The following SSUH2 variants were observed in gnomAD, a reference collection of about 807,000 sequenced individuals.
SSUH2 encodes the protein protein SSUH2 homolog.
SSUH2 carries 47 observed loss-of-function variants against 55.3 expected under a neutral mutation model. That is an observed-to-expected ratio of 0.85 (90% CI 0.67 to 1.08). SSUH2 has a LOEUF of 1.08. Ranked by LOEUF, SSUH2 falls within the 50% of genes least tolerant of loss-of-function variation. The pLI is 0.00. For missense variants in SSUH2, 535 were observed against 490.7 expected, an observed-to-expected ratio of 1.09 and a Z score of -0.85; for synonymous variants, 212 against 191.5, an observed-to-expected ratio of 1.11 and a Z score of -0.89.
rs140210593 is a variant in SSUH2, at chr3:8,675,513, C to T, written c.-753+1693G>A. 3.9e-3 allele frequency among the ~76,000 whole-genome samples: 596 copies of T among 152,268 alleles called. 6 individuals are homozygous for T. The highest frequency in any genetic ancestry group is 0.013 in the African/African-American group (549 of 41,570). ...TGGAGGACTGTGGGTATAAGGCGTCCAAGAAGAAAGCTCAGATCTGCCGAC... is the reference window on the plus strand; with the variant it reads ...TGGAGGACTGTGGGTATAAGGCGTCTAAGAAGAAAGCTCAGATCTGCCGAC... On this transcript the variant is annotated intron_variant, in intron 3 of 18. Coordinates refer to the SSUH2 transcript ENST00000317371.
Position 8,679,273 on chromosome 3 carries a change from C to A in SSUH2, c.-901+432G>T, listed in dbSNP as rs1265731695. 1.9e-5 allele frequency among the ~76,000 whole-genome samples: 2 copies of A among 103,398 alleles called. 1 individual carries two copies. The highest frequency in any genetic ancestry group is 4.2e-5 in the Non-Finnish European group (2 of 47,932). 67.8% of individuals were successfully genotyped at this position (103,398 alleles called of 152,430 possible). ...CCAATTTTCCCCCTGGCTTTTAGGA[C>A]CCCCATCGGAGGGGGGGAGCCACCC... is the stretch of plus-strand genomic sequence containing the variant. On this transcript the variant is annotated intron_variant, in intron 2 of 18. Transcript: ENST00000317371.
chr3:8,623,313 T>C, intron 11 of SSUH2: 3 of 523,330 alleles, frequency 5.7e-6, no homozygotes, highest in Non-Finnish European at 1.0e-5. Flanking sequence ...CAATCGCTTC[T>C]GGGAATAAAA....
At chr3:8,654,778 C>T (rs1006921199) in intron 7 of SSUH2, among the ~76,000 whole-genome samples, 6 of 151,742 alleles carry the variant, frequency 4.0e-5, no homozygotes, top group Non-Finnish European at 5.9e-5. Flanking sequence ...GGTCTTCTCC[C>T]GGAGATCTCA....
intron 4 of SSUH2, among the ~76,000 whole-genome samples, chr3:8,632,941 T>G (rs1053263744): frequency 6.6e-6 from 1 of 152,184 alleles, no homozygotes; most frequent in African/African-American, 2.4e-5. Flanking sequence ...AAATCTGAGT[T>G]TGAATCTCAC....
chr3:8,653,591 G>C (rs1702648046), intron 7 of SSUH2, among the ~76,000 whole-genome samples: 1 of 152,118 alleles, frequency 6.6e-6, no homozygotes, highest in Admixed American at 6.5e-5. Flanking sequence ...TTTACATTTA[G>C]CACACAATCC....
At chr3:8,653,093 G>T (rs1702587967) in intron 7 of SSUH2, among the ~76,000 whole-genome samples, 1 of 152,152 alleles carries the variant, frequency 6.6e-6, no homozygotes, top group Non-Finnish European at 1.5e-5. Context: ...CCACAAGAAT[G>T]GACACCTTTT....
intron 3 of SSUH2, 113 bp from the exon 4 acceptor site, chr3:8,633,908 A>G (rs1456686081): frequency 1.2e-6 from 2 of 1,614,028 alleles, no homozygotes; most frequent in South Asian, 1.1e-5. Context: ...GGTAGTGGTA[A>G]AGCCCTCAGC....
intron 7 of SSUH2, among the ~76,000 whole-genome samples, chr3:8,658,608 C>A (rs1248669415): frequency 2.6e-5 from 4 of 152,244 alleles, no homozygotes; most frequent in Non-Finnish European, 5.9e-5. Context: ...GCCTGGCAAC[C>A]TGCCCACTGG....
At chr3:8,667,366 G>A (rs969644737) in intron 5 of SSUH2, among the ~76,000 whole-genome samples, 19 of 152,178 alleles carry the variant, frequency 1.2e-4, no homozygotes, top group African/African-American at 4.6e-4. Context: ...ATTATAATTA[G>A]CGTATAATGA....
Position 8,632,096 on chromosome 3 carries a change from G to T in SSUH2, c.353C>A (p.Thr118Asn). 6.2e-7 allele frequency: 1 copy of T among 1,613,834 alleles called. No individual in the cohort carries two copies. The highest frequency in any genetic ancestry group is 8.5e-7 in the Non-Finnish European group (1 of 1,179,840). Reference protein sequence around the residue: ...RQTLCRYRLETFSESRISEWT... With the variant: ...RQTLCRYRLENFSESRISEWT... ...CTCGCTTATCCTGGATTCACTAAAG[G>T]TCTCCAGACGGTACTAAAAGGAAAA... Residue 118 changes from threonine to asparagine, a missense_variant, in exon 5 of 12, where the codon ACC becomes AAC. By Grantham distance (65) the Thr-to-Asn change is moderately conservative. Coordinates refer to ENST00000544814, the MANE Select transcript of SSUH2 (RefSeq NM_001256748.3).
intron 6 of SSUH2, among the ~76,000 whole-genome samples, chr3:8,662,255 G>A (rs1310139866): frequency 6.6e-6 from 1 of 152,142 alleles, no homozygotes; most frequent in Non-Finnish European, 1.5e-5. Flanking sequence ...AATGAGAGAG[G>A]GCCATGGGGA....
chr3:8,664,203 C>G (rs1017366442), intron 5 of SSUH2, among the ~76,000 whole-genome samples: 2 of 152,202 alleles, frequency 1.3e-5, no homozygotes, highest in Non-Finnish European at 2.9e-5. Flanking sequence ...AGAAAACGAC[C>G]CTTGATAGAA....
At chr3:8,649,572 T>C (rs567259334), upstream of SSUH2, among the ~76,000 whole-genome samples, 6 of 152,204 alleles carry the variant, frequency 3.9e-5, no homozygotes, top group South Asian at 1.2e-3. Context: ...CCTCGAGCTC[T>C]CTCTGTGTGT....
intron 3 of SSUH2, among the ~76,000 whole-genome samples, chr3:8,676,343 C>T (rs1442164023): frequency 6.6e-5 from 10 of 151,942 alleles, no homozygotes; most frequent in African/African-American, 2.4e-4. Flanking sequence ...CCTCCTCTCC[C>T]ACGTTGCAAT....
At chr3:8,670,693 C>T (rs1207800329) in intron 5 of SSUH2, among the ~76,000 whole-genome samples, 1 of 151,662 alleles carries the variant, frequency 6.6e-6, no homozygotes, top group Non-Finnish European at 1.5e-5. Flanking sequence ...TGTGACCTTC[C>T]TAGTAACATC....
intron 7 of SSUH2, among the ~76,000 whole-genome samples, chr3:8,653,456 C>T (rs1702632957): frequency 6.6e-6 from 1 of 152,166 alleles, no homozygotes; most frequent in African/African-American, 2.4e-5. Context: ...TAAATGAAAT[C>T]ATGCTGTAAA....
At chr3:8,681,347 G>T (rs1271450989) in intron 1 of SSUH2, among the ~76,000 whole-genome samples, 1 of 147,616 alleles carries the variant, frequency 6.8e-6, no homozygotes, top group African/African-American at 2.5e-5. Flanking sequence ...GCGGCTCGGG[G>T]ACTGAGAGCC....
chr3:8,667,196 C>A (rs1704070250), intron 5 of SSUH2, among the ~76,000 whole-genome samples: 1 of 152,150 alleles, frequency 6.6e-6, no homozygotes, highest in African/African-American at 2.4e-5. Flanking sequence ...ATATAACAAA[C>A]AAGGAGTGGA....
intron 1 of SSUH2, among the ~76,000 whole-genome samples, chr3:8,643,623 G>A (rs549130780): frequency 2.6e-5 from 4 of 152,172 alleles, no homozygotes; most frequent in African/African-American, 7.2e-5. Flanking sequence ...TTCTGCTTCA[G>A]GTCTAAAACT....
Sources: allele counts gnomAD v4.1 joint callset (sites outside exome capture counted in the v4.1 genomes callset), GRCh38; gene constraint gnomAD v4.1.1; transcripts MANE v1.5; gene names NCBI Gene and HGNC (gene_info 2026-07-23, HGNC 2026-07-21).